Variants in ASAP1 observed in about 807,000 individuals in gnomAD.
ASAP1 encodes ArfGAP with SH3 domain, ankyrin repeat and PH domain 1.
A neutral mutation model predicts 145.2 loss-of-function variants in ASAP1; 43 were observed. The ratio of observed to expected loss-of-function variants is 0.30; its 90% CI spans 0.23 to 0.38. ASAP1 has a LOEUF of 0.38. Ranked by LOEUF, ASAP1 falls within the 10% of genes least tolerant of loss-of-function variation. ASAP1 has a pLI of 1.00. For missense variants in ASAP1, 1,018 were observed against 1,355.3 expected, an observed-to-expected ratio of 0.75 and a Z score of 3.91; for synonymous variants, 546 against 515.5, an observed-to-expected ratio of 1.06 and a Z score of -0.80.
At chr8:130,218,851 A>G (rs1036381422) in intron 4 of ASAP1, among the ~76,000 whole-genome samples, 8 of 150,496 alleles carry the variant, frequency 5.3e-5, no homozygotes, top group Non-Finnish European at 1.2e-4. Flanking sequence ...CTCTTTCCAT[A>G]TATATATATA....
intron 3 of ASAP1, among the ~76,000 whole-genome samples, chr8:130,298,549 G>A (rs1822428269): frequency 1.3e-5 from 2 of 152,124 alleles, no homozygotes; most frequent in African/African-American, 4.8e-5. Context: ...AGTCACAATG[G>A]TCCTTCTAAA....
At chr8:130,250,073 T>C (rs1431477602) in intron 3 of ASAP1, among the ~76,000 whole-genome samples, 1 of 152,138 alleles carries the variant, frequency 6.6e-6, no homozygotes, top group African/African-American at 2.4e-5. Context: ...TTTGGGAAAG[T>C]ATCTGATATT....
chr8:130,188,244 A>G, intron 5 of ASAP1, 61 bp from the exon 6 acceptor site: 1 of 1,303,726 alleles, frequency 7.7e-7, no homozygotes, highest in Non-Finnish European at 1.1e-6. Flanking sequence ...GAACAATAAA[A>G]CCAGCTACTA....
intron 27 of ASAP1, among the ~76,000 whole-genome samples, chr8:130,063,691 T>C (rs757747851): frequency 2.1e-4 from 32 of 152,308 alleles, no homozygotes; most frequent in South Asian, 4.1e-4. Flanking sequence ...AGGGAGGCCG[T>C]GGAGCCTCCC....
intron 1 of ASAP1, among the ~76,000 whole-genome samples, chr8:130,422,028 G>GA (rs1007611494): frequency 4.6e-5 from 7 of 152,366 alleles, no homozygotes; most frequent in Admixed American, 1.3e-4. Flanking sequence ...GTACAAGGTA[G>GA]AGGGGGTGGG....
At chr8:130,286,751 T>C (rs1322643902) in intron 3 of ASAP1, among the ~76,000 whole-genome samples, 1 of 152,230 alleles carries the variant, frequency 6.6e-6, no homozygotes, top group Non-Finnish European at 1.5e-5. Context: ...ACATGTTTAC[T>C]GAGCTTTAAA....
chr8:130,133,670 AAC>A (rs2097587093), intron 15 of ASAP1, among the ~76,000 whole-genome samples: 3 of 147,296 alleles, frequency 2.0e-5, no homozygotes, highest in African/African-American at 7.4e-5. Flanking sequence ...CTCAAAAACA[AAC>A]AAACAAACAA....
chr8:130,400,810 A>G (rs955424272), intron 2 of ASAP1, among the ~76,000 whole-genome samples: 1 of 149,864 alleles, frequency 6.7e-6, no homozygotes. Flanking sequence ...AAAAAAAGGC[A>G]AGGGTCCTGC....
intron 4 of ASAP1, among the ~76,000 whole-genome samples, chr8:130,215,885 A>G (rs1204974382): frequency 6.6e-6 from 1 of 151,678 alleles, no homozygotes; most frequent in African/African-American, 2.4e-5. Context: ...TGCTTGTGCC[A>G]CTGCACCCAG....
At chr8:130,153,339 A>ATATATATATATATATATATATG (rs1565024420) in intron 12 of ASAP1, among the ~76,000 whole-genome samples, 7 of 47,744 alleles carry the variant, frequency 1.5e-4, no homozygotes, top group Admixed American at 4.8e-4. Context: ...TTAAATATAT[A>ATATATATATATATATATATATG]TATATATATA....
At chr8:130,070,088 G>C (rs1438360979) in intron 27 of ASAP1, among the ~76,000 whole-genome samples, 2 of 152,104 alleles carry the variant, frequency 1.3e-5, no homozygotes, top group Non-Finnish European at 2.9e-5. Context: ...CCAGGCTGGA[G>C]TGCAGTGGCG....
At chr8:130,275,776 G>A (rs993770099) in intron 3 of ASAP1, among the ~76,000 whole-genome samples, 2 of 152,022 alleles carry the variant, frequency 1.3e-5, no homozygotes, top group African/African-American at 4.8e-5. Flanking sequence ...AAATAAGGAG[G>A]CCATATCAGA....
intron 19 of ASAP1, 63 bp downstream of exon 19, chr8:130,118,426 A>G: frequency 1.3e-6 from 2 of 1,508,418 alleles, no homozygotes; most frequent in Non-Finnish European, 1.8e-6. Context: ...ATGTTAAAAT[A>G]AGTCACCTTT....
At chr8:130,261,733 T>C (rs1169422049) in intron 3 of ASAP1, among the ~76,000 whole-genome samples, 1 of 151,972 alleles carries the variant, frequency 6.6e-6, no homozygotes, top group Non-Finnish European at 1.5e-5. Flanking sequence ...TTCATGCAAA[T>C]AGTGTGAGTG....
intron 9 of ASAP1, among the ~76,000 whole-genome samples, chr8:130,170,064 T>A (rs189714353): frequency 2.0e-5 from 3 of 152,330 alleles, no homozygotes; most frequent in Admixed American, 2.0e-4. Flanking sequence ...CTCAAAACAC[T>A]ATCTGTTTTG....
chr8:130,373,686 A>C (rs1586929487), intron 2 of ASAP1, among the ~76,000 whole-genome samples: 1 of 151,930 alleles, frequency 6.6e-6, no homozygotes, highest in African/African-American at 2.4e-5. Flanking sequence ...CTGTCCCTAC[A>C]AAAAATACAA....
intron 23 of ASAP1, among the ~76,000 whole-genome samples, chr8:130,112,935 G>T (rs2097549089): frequency 6.6e-6 from 1 of 152,168 alleles, no homozygotes; most frequent in Non-Finnish European, 1.5e-5. Context: ...AGAAACCTCA[G>T]TGTCACCTGG....
chr8:130,177,132 C>A (rs373805063), intron 9 of ASAP1, among the ~76,000 whole-genome samples: 1 of 152,180 alleles, frequency 6.6e-6, no homozygotes, highest in Non-Finnish European at 1.5e-5. Flanking sequence ...CAGAACTGGG[C>A]ACAGTAGCTG....
chr8:130,204,296 T>A (rs1200546421), intron 5 of ASAP1, among the ~76,000 whole-genome samples: 1 of 152,190 alleles, frequency 6.6e-6, no homozygotes, highest in Non-Finnish European at 1.5e-5. Flanking sequence ...TACCCTCTTG[T>A]ATGTGGAAAA....
Sources: gnomAD v4.1 joint callset for allele counts (sites outside exome capture counted in the v4.1 genomes callset) on GRCh38, gnomAD v4.1.1 for gene constraint, MANE v1.5 for transcripts, NCBI Gene and HGNC (gene_info 2026-07-23, HGNC 2026-07-21) for gene names.